The following ZFHX3 variants were observed in gnomAD, a reference collection of about 807,000 sequenced individuals.
ZFHX3 encodes the protein zinc finger homeobox 3.
ZFHX3 carries 42 observed loss-of-function variants against 279.1 expected under a neutral mutation model. That is an observed-to-expected ratio of 0.15 (90% CI 0.12 to 0.19). ZFHX3 has a LOEUF of 0.19. ZFHX3 is among the 10% of genes least tolerant of loss of function. The pLI is 1.00. For missense variants in ZFHX3, 4,981 were observed against 4,754.0 expected, an observed-to-expected ratio of 1.05 and a Z score of -1.40; for synonymous variants, 2,293 against 1,957.8, an observed-to-expected ratio of 1.17 and a Z score of -4.52.
chr16:72,826,743 T>C (rs1295371642), intron 5 of ZFHX3, among the ~76,000 whole-genome samples: 4 of 152,246 alleles, frequency 2.6e-5, no homozygotes, highest in Non-Finnish European at 5.9e-5. Flanking sequence ...GAGTTATTCA[T>C]TCAATCACTC....
intron 7 of ZFHX3, among the ~76,000 whole-genome samples, chr16:73,096,555 A>G (rs573924554): frequency 1.3e-5 from 2 of 150,094 alleles, no homozygotes; most frequent in African/African-American, 4.9e-5. Flanking sequence ...GGTGTGCACC[A>G]TGAAGCCCAG....
At chr16:73,466,101 A>G (rs1369779608) in intron 2 of ZFHX3, among the ~76,000 whole-genome samples, 1 of 152,180 alleles carries the variant, frequency 6.6e-6, no homozygotes, top group Non-Finnish European at 1.5e-5. Context: ...ACCCAGCAGC[A>G]TGAAAACATG....
At chr16:73,483,930 G>GTT (rs1220305940) in intron 2 of ZFHX3, among the ~76,000 whole-genome samples, 28 of 129,936 alleles carry the variant, frequency 2.2e-4, no homozygotes, top group African/African-American at 5.5e-4. Context: ...CTCTGCCTTT[G>GTT]TTTTTTTTTT....
In ZFHX3 at chr16:73,151,381, G is replaced by A. The variant is rs534108457; in HGVS notation, c.-1103-7550C>T. The stretch of plus-strand genomic sequence containing the variant: ...TGTGGGGGTTGGAGAAGGCTTCCTC[G>A]TTGGGAAAGGAATGTTGCATGTAGA... On this transcript the variant is annotated intron_variant, in intron 5 of 17. Coordinates refer to the ZFHX3 transcript ENST00000641206. Among the ~76,000 whole-genome samples, 8 of 152,236 alleles carry A rather than the reference G, an allele frequency of 5.3e-5. No homozygotes were observed. In the East Asian group the frequency reaches 9.7e-4, roughly 18 times the overall value.
At position 73,073,439 on chromosome 16, in the gene ZFHX3, A is replaced by G. The variant is rs79402468; in HGVS notation, c.-532-14427T>C. 7.8e-3 allele frequency among the ~76,000 whole-genome samples: 1,195 copies of G among 152,296 alleles called. 22 individuals are homozygous for G. Among genetic ancestry groups the G allele is most frequent in the African/African-American group, 0.028 (1,153 of 41,554 alleles). On this transcript the variant is annotated intron_variant, in intron 8 of 17. Transcript: ENST00000641206. ...CTAGAACTTCCTACAGGCTTTAAAC[A>G]TTTTGTACAAGTTCTAATTTTAAAC...
At chr16:73,061,883 A>G (rs566328428), upstream of ZFHX3, 3 of 152,290 alleles carry the variant, frequency 2.0e-5, no homozygotes, top group Non-Finnish European at 2.9e-5. Flanking sequence ...TTCCTTTAGT[A>G]TAAGCTATTT....
chr16:73,654,066 C>A (rs1376658120), intron 2 of ZFHX3, among the ~76,000 whole-genome samples: 1 of 151,830 alleles, frequency 6.6e-6, no homozygotes, highest in Non-Finnish European at 1.5e-5. Context: ...CGCCTGTAGT[C>A]CCAGCTACTC....
At chr16:73,054,055 G>A (rs920399279) in intron 1 of ZFHX3, among the ~76,000 whole-genome samples, 1 of 151,588 alleles carries the variant, frequency 6.6e-6, no homozygotes, top group South Asian at 2.1e-4. Flanking sequence ...GATGATCTGG[G>A]GGGCTGGGGG....
chr16:73,323,383 G>A (rs1171578686), intron 3 of ZFHX3, among the ~76,000 whole-genome samples: 1 of 152,184 alleles, frequency 6.6e-6, no homozygotes, highest in Non-Finnish European at 1.5e-5. Flanking sequence ...GGAAAACCAA[G>A]AAAGTATGGG....
At chr16:72,916,294 T>C (rs555231130) in intron 3 of ZFHX3, among the ~76,000 whole-genome samples, 26 of 152,368 alleles carry the variant, frequency 1.7e-4, no homozygotes, top group African/African-American at 6.3e-4. Flanking sequence ...TATCTCATGA[T>C]ATGCTTGTGA....
At chr16:73,101,921 T>A (rs1215059656) in intron 7 of ZFHX3, among the ~76,000 whole-genome samples, 1 of 150,172 alleles carries the variant, frequency 6.7e-6, no homozygotes, top group African/African-American at 2.5e-5. Context: ...CTCTTTTTTT[T>A]TTTTTTTTTT....
At chr16:73,048,291 A>C (rs1597134725), upstream of ZFHX3, 1 of 151,674 alleles carries the variant, frequency 6.6e-6, no homozygotes, top group East Asian at 1.9e-4. Flanking sequence ...TGACATCTAC[A>C]GTCGTGCCGG....
intron 1 of ZFHX3, among the ~76,000 whole-genome samples, chr16:73,883,329 T>C (rs2030234078): frequency 6.6e-6 from 1 of 152,178 alleles, no homozygotes; most frequent in African/African-American, 2.4e-5. Flanking sequence ...GCCTATGTTC[T>C]CTGTGTATTC....
chr16:72,880,908 G>A (rs1379319277), intron 4 of ZFHX3, among the ~76,000 whole-genome samples: 4 of 152,150 alleles, frequency 2.6e-5, no homozygotes, highest in Non-Finnish European at 4.4e-5. Context: ...GACATAAGTA[G>A]CAAAAAGCAA....
chr16:73,166,916 T>G (rs1967387177), intron 5 of ZFHX3, among the ~76,000 whole-genome samples: 1 of 152,184 alleles, frequency 6.6e-6, no homozygotes, highest in Admixed American at 6.5e-5. Context: ...GAATGTTGCA[T>G]TCCTTAATGT....
intron 1 of ZFHX3, among the ~76,000 whole-genome samples, chr16:73,884,061 G>A (rs1046443016): frequency 6.6e-6 from 1 of 152,144 alleles, no homozygotes; most frequent in Non-Finnish European, 1.5e-5. Flanking sequence ...TAGAGTAACA[G>A]CTTTCGTTAC....
chr16:73,504,811 T>C (rs928718549), intron 2 of ZFHX3: 2 of 151,904 alleles, frequency 1.3e-5, no homozygotes, highest in Admixed American at 6.6e-5. Flanking sequence ...GAGTGCTTGG[T>C]TGGGGGGGCG....
At chr16:73,155,768 A>G (rs1342768519) in intron 5 of ZFHX3, among the ~76,000 whole-genome samples, 1 of 152,092 alleles carries the variant, frequency 6.6e-6, no homozygotes, top group Non-Finnish European at 1.5e-5. Context: ...GGTCACAGTG[A>G]GCCGAGATCG....
At chr16:73,342,240 G>A (rs1277250590) in intron 3 of ZFHX3, among the ~76,000 whole-genome samples, 1 of 152,142 alleles carries the variant, frequency 6.6e-6, no homozygotes, top group African/African-American at 2.4e-5. Context: ...CAATAGTTAA[G>A]GATGGGGTCT....
Sources: gnomAD v4.1 joint callset for allele counts (sites outside exome capture counted in the v4.1 genomes callset) on GRCh38, gnomAD v4.1.1 for gene constraint, MANE v1.5 for transcripts, NCBI Gene and HGNC (gene_info 2026-07-23, HGNC 2026-07-21) for gene names.